Variants in CCDC154 observed in about 807,000 individuals in gnomAD.
The protein encoded by CCDC154 is coiled-coil domain-containing protein 154.
Under a neutral mutation model 87.5 loss-of-function variants are expected in CCDC154, and 91 were observed. That is an observed-to-expected ratio of 1.04 (90% CI 0.88 to 1.24). CCDC154 has a LOEUF of 1.24. Among genes scored for constraint, CCDC154 ranks in the 50% most tolerant of loss-of-function variants. The pLI is 0.00. For missense variants in CCDC154, 903 were observed against 879.2 expected, an observed-to-expected ratio of 1.03 and a Z score of -0.34; for synonymous variants, 418 against 400.4, an observed-to-expected ratio of 1.04 and a Z score of -0.52.
intron 9 of CCDC154, 56 bp downstream of exon 9, chr16:1,438,563 A>C: frequency 1.4e-6 from 2 of 1,462,356 alleles, no homozygotes; most frequent in South Asian, 2.5e-5. Flanking sequence ...CCCCCTCCTG[A>C]GTGGGACATC....
chr16:1,441,499 G>A (rs1489664764), intron 6 of CCDC154, among the ~76,000 whole-genome samples: 2 of 152,188 alleles, frequency 1.3e-5, no homozygotes, highest in Non-Finnish European at 2.9e-5. Flanking sequence ...ACCCACAGCG[G>A]AGGCCCCTGC....
chr16:1,444,081 C>T, intron 1 of CCDC154, 69 bp from the exon 2 acceptor site: 1 of 1,188,746 alleles, frequency 8.4e-7, no homozygotes, highest in Non-Finnish European at 1.1e-6. Flanking sequence ...GGGAACAAGG[C>T]CCCAAACCCC....
chr16:1,434,833 G>A lies in CCDC154; in HGVS notation c.1712C>T (p.Thr571Ile), dbSNP rs1358568485. Residue 571 changes from threonine (T) to isoleucine (I), a missense_variant, in exon 16 of 17, where the codon ACC (threonine) becomes ATC (isoleucine). By Grantham distance (89) the Thr-to-Ile change is moderately conservative. Coordinates refer to ENST00000389176, the MANE Select transcript of CCDC154 (RefSeq NM_001143980.3). ...CAGCCGGAGCACACTCTCCCACAGG[G>A]TGGCCATCTCCTGCGTGCGCTGTGG... ...EARLRTQEMA[T>I]LWESVLRLWS... The A allele has an allele frequency of 6.6e-7, 1 of 1,522,120 alleles. No individual in the cohort carries two copies. Among genetic ancestry groups the A allele is most frequent in the Non-Finnish European group, 8.8e-7 (1 of 1,137,172 alleles). 94.3% of individuals were successfully genotyped at this position (1,522,120 alleles called of 1,614,324 possible).
At chr16:1,435,246 C>T (rs1277935858) in intron 14 of CCDC154, 71 bp from the exon 15 acceptor site, 6 of 1,339,942 alleles carry the variant, frequency 4.5e-6, no homozygotes, top group African/African-American at 2.9e-5. Flanking sequence ...ACAGGCACCC[C>T]GATATCCACT....
At chr16:1,436,593 C>G (rs1182219972) in intron 12 of CCDC154, 72 bp from the exon 13 acceptor site, 1 of 1,545,800 alleles carries the variant, frequency 6.5e-7, no homozygotes, top group Non-Finnish European at 8.7e-7. Context: ...TCGACCCACA[C>G]AGGGAGAGGG....
At position 1,438,660 on chromosome 16, in the gene CCDC154, C is replaced by T. The variant is rs1238027898; in HGVS notation, c.984G>A (p.Gln328=). Residue 328 remains glutamine (Q), a synonymous_variant, in exon 9 of 17, where the codon CAG becomes CAA. Coordinates refer to ENST00000389176, the MANE Select transcript of CCDC154 (RefSeq NM_001143980.3). ...CCAGTAGGACACGGTTCAGCGACGC[C>T]TGGTTCTGCTGCACAAACTTGGTCA... The part of the protein sequence containing the change: ...AQLTKFVQQN[Q]ASLNRVLLAE... The T allele has an allele frequency of 6.5e-7, 1 of 1,550,174 alleles. No individual in the cohort carries two copies. Among genetic ancestry groups the T allele is most frequent in the Admixed American group, 2.0e-5 (1 of 50,996 alleles).
chr16:1,434,707 A>T lies in CCDC154; in HGVS notation c.1838T>A (p.Val613Glu). 1 of 1,546,854 alleles carries T rather than the reference A, an allele frequency of 6.5e-7. No homozygotes were observed. Among genetic ancestry groups the T allele is most frequent in the Non-Finnish European group, 8.7e-7 (1 of 1,146,788 alleles). ...VFIKDMAPGK[V>E]VPMNCWGVYQ... ...CACGCCCCAGCAGTTCATGGGCACCACCTTGCCAGGCGCCATGTCCTTGAT... is the reference window on the plus strand; with the variant it reads ...CACGCCCCAGCAGTTCATGGGCACCTCCTTGCCAGGCGCCATGTCCTTGAT... Residue 613 changes from valine to glutamate, a missense_variant, in exon 16 of 17, where the codon GTG (valine) becomes GAG (glutamate). Coordinates refer to ENST00000389176, the MANE Select transcript of CCDC154 (RefSeq NM_001143980.3).
At chr16:1,438,013 G>C (rs1216282783) in intron 10 of CCDC154, 37 bp downstream of exon 10, 1 of 1,539,210 alleles carries the variant, frequency 6.5e-7, no homozygotes, top group African/African-American at 1.4e-5. Flanking sequence ...GTGTGCGTGG[G>C]AGACCCCGTT....
At position 1,438,194 on chromosome 16, in the gene CCDC154, A is replaced by G. The variant is rs1417289392; in HGVS notation, c.1026-18T>C. ...TGGCGTCCCTAGGGGTTGGGGACAC[A>G]TAGACACCCTCAGTGGAGCCTGCCC... On this transcript the variant is annotated intron_variant, in intron 9 of 16. Transcript: ENST00000389176. The G allele has an allele frequency of 6.6e-7, 1 of 1,515,836 alleles. No homozygotes were observed. Among genetic ancestry groups the G allele is most frequent in the African/African-American group, 1.4e-5 (1 of 72,226 alleles). The allele number at this position is 1,515,836 out of a possible 1,614,324, so 93.9% of individuals were successfully genotyped here. A position where few individuals can be genotyped will look rare whatever the true frequency, so the allele number is the denominator to read the frequency against.
Position 1,436,170 on chromosome 16 carries a change from C to A in CCDC154, c.1488-84G>T, listed in dbSNP as rs192734540. ...CGGGGACAAAGGCCACTCCCACAGC[C>A]ACCACAGGGTTAAGGAGGCTCGAGG... On this transcript the variant is annotated intron_variant, in intron 13 of 16. Coordinates refer to ENST00000389176, the MANE Select transcript of CCDC154 (RefSeq NM_001143980.3). The A allele has an allele frequency of 8.4e-4, 992 of 1,187,272 alleles. 9 individuals carry two copies. The African/African-American group carries it at 0.013, about 16-fold the overall frequency. 73.5% of individuals were successfully genotyped at this position (1,187,272 alleles called of 1,614,324 possible).
chr16:1,438,581 C>T (rs2038522608), intron 9 of CCDC154, 38 bp downstream of exon 9: 1 of 1,521,972 alleles, frequency 6.6e-7, no homozygotes, highest in Non-Finnish European at 8.9e-7. Context: ...ATCAGGGGTC[C>T]CCCCGCCTGA....
intron 2 of CCDC154, 40 bp downstream of exon 2, chr16:1,443,756 G>A (rs751937554): frequency 4.0e-5 from 52 of 1,305,250 alleles, no homozygotes; most frequent in South Asian, 3.9e-4. Flanking sequence ...AGGCGGCGGC[G>A]ACGTGGTCCT....
Position 1,438,193 on chromosome 16 carries a change from C to A in CCDC154, c.1026-17G>T. The A allele has an allele frequency of 6.6e-7, 1 of 1,514,784 alleles. No individual in the cohort carries two copies. The highest frequency in any genetic ancestry group is 1.3e-5 in the South Asian group (1 of 79,154). 93.8% of individuals were successfully genotyped at this position (1,514,784 alleles called of 1,614,324 possible). ...TTGGCGTCCCTAGGGGTTGGGGACA[C>A]ATAGACACCCTCAGTGGAGCCTGCC... On this transcript the variant is annotated splice_polypyrimidine_tract_variant and intron_variant, in intron 9 of 16. Coordinates refer to ENST00000389176, the MANE Select transcript of CCDC154 (RefSeq NM_001143980.3).
chr16:1,444,292 G>T, intron 1 of CCDC154, 24 bp downstream of exon 1: 1 of 1,301,864 alleles, frequency 7.7e-7, no homozygotes. Flanking sequence ...CCCTCCCTGG[G>T]CCCCGCTCCT....
chr16:1,437,737 T>C, intron 11 of CCDC154, 80 bp downstream of exon 11: 1 of 1,442,336 alleles, frequency 6.9e-7, no homozygotes, highest in Non-Finnish European at 9.2e-7. Context: ...GCCTCTACCC[T>C]GGGGGCAGTG....
intron 13 of CCDC154, 52 bp from the exon 14 acceptor site, chr16:1,436,138 C>G (rs2142350756): frequency 6.8e-7 from 1 of 1,466,170 alleles, no homozygotes; most frequent in Non-Finnish European, 9.3e-7. Flanking sequence ...GGGGGTAGGG[C>G]CAGGACCGGG....
Position 1,443,118 on chromosome 16 carries a change from G to T in CCDC154, c.455+143C>A, listed in dbSNP as rs1180794788. Reference sequence around the variant, plus strand: ...GGCCGCCCAGGCACGTACAAACCCGGCCTTTTCTAGCTGGACCTGGATGTG... The same window carrying T: ...GGCCGCCCAGGCACGTACAAACCCGTCCTTTTCTAGCTGGACCTGGATGTG... On this transcript the variant is annotated intron_variant, in intron 4 of 16. Coordinates refer to ENST00000389176, the MANE Select transcript of CCDC154 (RefSeq NM_001143980.3). The T allele has an allele frequency of 2.2e-6, 3 of 1,361,722 alleles. No homozygotes were observed. The Admixed American group carries it at 6.7e-5, about 30-fold the overall frequency. 84.4% of individuals were successfully genotyped at this position (1,361,722 alleles called of 1,614,324 possible).
Position 1,443,493 on chromosome 16 carries a change from G to A in CCDC154, c.414+13C>T, listed in dbSNP as rs2038576554. 1 of 1,452,368 alleles carries A rather than the reference G, an allele frequency of 6.9e-7. No homozygotes were observed. The allele number at this position is 1,452,368 out of a possible 1,614,324, so 90.0% of individuals were successfully genotyped here. A position where few individuals can be genotyped will look rare whatever the true frequency, so the allele number is the denominator to read the frequency against. On this transcript the variant is annotated intron_variant, in intron 3 of 16. Transcript: ENST00000389176. Reference sequence around the variant, plus strand: ...AAGGGGCAGCTCGACCTGTGGGTGGGGGAGCCGCTCACCTCCGGCGCCTCC... The same window carrying A: ...AAGGGGCAGCTCGACCTGTGGGTGGAGGAGCCGCTCACCTCCGGCGCCTCC...
At chr16:1,443,057 TG>T in intron 4 of CCDC154, 82 bp from the exon 5 acceptor site, 1 of 1,483,314 alleles carries the variant, frequency 6.7e-7, no homozygotes, top group Non-Finnish European at 9.2e-7. Flanking sequence ...AAGGGGCCCC[TG>T]TGGCCACCTC....
Sources: allele counts gnomAD v4.1 joint callset (sites outside exome capture counted in the v4.1 genomes callset), GRCh38; gene constraint gnomAD v4.1.1; transcripts MANE v1.5; gene names NCBI Gene and HGNC (gene_info 2026-07-23, HGNC 2026-07-21).